Variants in PDE4D observed in about 807,000 individuals in gnomAD.
PDE4D encodes the protein phosphodiesterase 4D, also known as 3',5'-cyclic-AMP phosphodiesterase 4D.
PDE4D carries 24 observed loss-of-function variants against 87.4 expected under a neutral mutation model. The observed-to-expected ratio is 0.27, with a 90% CI of 0.20 to 0.39. PDE4D has a LOEUF of 0.39. Ranked by LOEUF, PDE4D falls within the 10% of genes least tolerant of loss-of-function variation. The pLI, the probability that PDE4D is intolerant of heterozygous loss-of-function variation, is 1.00. For missense variants in PDE4D, 714 were observed against 1,041.0 expected, an observed-to-expected ratio of 0.69 and a Z score of 4.32; for synonymous variants, 384 against 383.2, an observed-to-expected ratio of 1.00 and a Z score of -0.02.
Position 60,047,045 on chromosome 5 carries a change from G to T in PDE4D, c.43-58328C>A, listed in dbSNP as rs757197091. Among the ~76,000 whole-genome samples the T allele has an allele frequency of 8.8e-3, 1,344 of 152,116 alleles. 11 individuals are homozygous for T. Among genetic ancestry groups the T allele is most frequent in the Middle Eastern group, 0.024 (7 of 294 alleles). On this transcript the variant is annotated intron_variant, in intron 2 of 16. Coordinates refer to the PDE4D transcript ENST00000502484. ...TATTAATTATTGCCTCAATTTCAGA[G>T]CCTGTTATTGGTCTATTCAGAGATT...
At chr5:59,635,892 A>G (rs1011757250) in intron 1 of PDE4D, among the ~76,000 whole-genome samples, 3 of 152,212 alleles carry the variant, frequency 2.0e-5, no homozygotes, top group African/African-American at 7.2e-5. Context: ...CAGGGCAATC[A>G]GGCAAGAGAA....
chr5:59,349,683 A>G (rs907310529), intron 1 of PDE4D, among the ~76,000 whole-genome samples: 9 of 152,138 alleles, frequency 5.9e-5, no homozygotes, highest in African/African-American at 1.9e-4. Flanking sequence ...CCATTAACAC[A>G]CTGATGATCA....
intron 1 of PDE4D, among the ~76,000 whole-genome samples, chr5:59,478,871 C>A (rs1275849876): frequency 6.6e-6 from 1 of 150,820 alleles, no homozygotes; most frequent in Non-Finnish European, 1.5e-5. Flanking sequence ...TAACATATAA[C>A]CTGCTCCTGT....
intron 1 of PDE4D, among the ~76,000 whole-genome samples, chr5:59,546,914 T>C (rs186911882): frequency 1.3e-5 from 2 of 152,138 alleles, no homozygotes; most frequent in South Asian, 2.1e-4. Flanking sequence ...TCACTAACTT[T>C]ACTCAGTTAC....
At chr5:59,266,270 A>T (rs1762843016) in intron 1 of PDE4D, among the ~76,000 whole-genome samples, 1 of 149,562 alleles carries the variant, frequency 6.7e-6, no homozygotes, top group Non-Finnish European at 1.5e-5. Flanking sequence ...CCTGTCTCTA[A>T]ATATATATAT....
intron 5 of PDE4D, among the ~76,000 whole-genome samples, chr5:59,176,147 T>G (rs1783850071): frequency 6.6e-6 from 1 of 152,162 alleles, no homozygotes; most frequent in African/African-American, 2.4e-5. Context: ...AGCCTTACTT[T>G]TAAGGAATTG....
chr5:59,616,205 C>T (rs1170169203), intron 1 of PDE4D, among the ~76,000 whole-genome samples: 1 of 151,910 alleles, frequency 6.6e-6, no homozygotes, highest in Non-Finnish European at 1.5e-5. Context: ...GAAATAATCT[C>T]ATCTGATTTT....
chr5:60,018,901 TA>T (rs1765773114), intron 2 of PDE4D, among the ~76,000 whole-genome samples: 1 of 152,130 alleles, frequency 6.6e-6, no homozygotes, highest in African/African-American at 2.4e-5. Flanking sequence ...TTAAACACCC[TA>T]CTGTCAATAT....
At chr5:59,176,212 C>T (rs1783862117) in intron 5 of PDE4D, among the ~76,000 whole-genome samples, 1 of 151,738 alleles carries the variant, frequency 6.6e-6, no homozygotes, top group Admixed American at 6.6e-5. Flanking sequence ...TAAAAACTGG[C>T]CAGTGACCTA....
intron 3 of PDE4D, among the ~76,000 whole-genome samples, chr5:59,960,136 C>T (rs924504780): frequency 6.6e-6 from 1 of 151,982 alleles, no homozygotes; most frequent in Non-Finnish European, 1.5e-5. Context: ...CAAATCAAAA[C>T]CACAAGGAGA....
chr5:59,181,444 A>G (rs1363167772), intron 4 of PDE4D, among the ~76,000 whole-genome samples: 1 of 151,172 alleles, frequency 6.6e-6, no homozygotes, highest in Non-Finnish European at 1.5e-5. Context: ...GTATCCATCA[A>G]CATTTTTGAA....
At chr5:59,865,323 A>T (rs1035697912) in intron 1 of PDE4D, among the ~76,000 whole-genome samples, 1 of 152,236 alleles carries the variant, frequency 6.6e-6, no homozygotes, top group African/African-American at 2.4e-5. Flanking sequence ...ATATTTTGGT[A>T]ATTCTCCCAT....
chr5:59,148,648 A>T (rs1779008004), intron 5 of PDE4D, among the ~76,000 whole-genome samples: 1 of 152,210 alleles, frequency 6.6e-6, no homozygotes, highest in Non-Finnish European at 1.5e-5. Flanking sequence ...TGTCTGGAAT[A>T]AATCCATTAC....
intron 2 of PDE4D, among the ~76,000 whole-genome samples, chr5:59,998,571 T>C (rs1219582249): frequency 6.6e-6 from 1 of 152,174 alleles, no homozygotes; most frequent in Non-Finnish European, 1.5e-5. Context: ...AAGACTTATA[T>C]AATCAAGACT....
chr5:59,072,536 A>G (rs547329363), intron 5 of PDE4D, among the ~76,000 whole-genome samples: 1 of 152,328 alleles, frequency 6.6e-6, no homozygotes, highest in African/African-American at 2.4e-5. Context: ...TACATTCATC[A>G]GGAAGTATAC....
intron 1 of PDE4D, among the ~76,000 whole-genome samples, chr5:60,275,465 AG>A (rs1751268059): frequency 6.6e-6 from 1 of 152,140 alleles, no homozygotes; most frequent in South Asian, 2.1e-4. Flanking sequence ...ATTGGAAAAA[AG>A]GTCACCACAA....
chr5:60,487,196 C>A (rs1749212006), intron 1 of PDE4D, among the ~76,000 whole-genome samples: 1 of 152,226 alleles, frequency 6.6e-6, no homozygotes, highest in Non-Finnish European at 1.5e-5. Context: ...AGCAATCATA[C>A]AAACCTAATA....
At chr5:59,635,326 C>T (rs1244197744) in intron 1 of PDE4D, among the ~76,000 whole-genome samples, 1 of 152,194 alleles carries the variant, frequency 6.6e-6, no homozygotes, top group African/African-American at 2.4e-5. Context: ...GGAGCTGGTA[C>T]CGTTCCTTCT....
chr5:59,948,003 T>C (rs1217613613), intron 3 of PDE4D, among the ~76,000 whole-genome samples: 1 of 152,116 alleles, frequency 6.6e-6, no homozygotes, highest in Non-Finnish European at 1.5e-5. Flanking sequence ...CAAGACTCTG[T>C]CTCAAAAAAA....
Sources: allele counts gnomAD v4.1 joint callset (sites outside exome capture counted in the v4.1 genomes callset), GRCh38; gene constraint gnomAD v4.1.1; transcripts MANE v1.5; gene names NCBI Gene and HGNC (gene_info 2026-07-23, HGNC 2026-07-21).